Variants in ANKS1B observed in about 807,000 individuals in gnomAD.
ANKS1B encodes the protein ankyrin repeat and sterile alpha motif domain-containing protein 1B.
A neutral mutation model predicts 148.3 loss-of-function variants in ANKS1B; 36 were observed. That is an observed-to-expected ratio of 0.24 (90% confidence interval 0.19 to 0.32). The LOEUF is 0.32. Among genes scored for constraint, ANKS1B ranks in the 10% least tolerant of loss-of-function variants. The pLI, the probability that ANKS1B is intolerant of heterozygous loss-of-function variation, is 1.00. For missense variants in ANKS1B, 1,157 were observed against 1,542.6 expected (o/e 0.75, Z 4.19); for synonymous variants, 542 against 560.8 (o/e 0.97, Z 0.47).
chr12:98,873,473 TA>T (rs1433097097), intron 17 of ANKS1B, among the ~76,000 whole-genome samples: 1 of 152,202 alleles, frequency 6.6e-6, no homozygotes, highest in Non-Finnish European at 1.5e-5. Context: ...ATATAAGGTT[TA>T]AAAAAGCAAT....
intron 8 of ANKS1B, among the ~76,000 whole-genome samples, chr12:99,720,785 T>A (rs1229535908): frequency 6.6e-6 from 1 of 152,198 alleles, no homozygotes; most frequent in Non-Finnish European, 1.5e-5. Flanking sequence ...ATCTTCTGTC[T>A]AGTCATACTC....
chr12:99,430,213 C>T (rs972614617), intron 11 of ANKS1B, among the ~76,000 whole-genome samples: 4 of 152,064 alleles, frequency 2.6e-5, no homozygotes, highest in Non-Finnish European at 5.9e-5. Context: ...GAAGAGATGA[C>T]ATCAAGGAAG....
chr12:99,686,336 G>A (rs2098649085), intron 8 of ANKS1B, among the ~76,000 whole-genome samples: 2 of 152,012 alleles, frequency 1.3e-5, no homozygotes, highest in Non-Finnish European at 2.9e-5. Context: ...TTCACAACAT[G>A]CCCAAATAAG....
chr12:99,347,790 G>T (rs1210924072), intron 12 of ANKS1B, among the ~76,000 whole-genome samples: 3 of 144,438 alleles, frequency 2.1e-5, no homozygotes, highest in South Asian at 2.2e-4. Flanking sequence ...TAAACAAAAA[G>T]ATATTAGACT....
At chr12:98,893,828 A>G (rs556998631) in intron 17 of ANKS1B, 1 of 152,380 alleles carries the variant, frequency 6.6e-6, no homozygotes, top group East Asian at 1.9e-4. Flanking sequence ...TGAGCTGTCC[A>G]TTTGTTTTAG....
intron 10 of ANKS1B, among the ~76,000 whole-genome samples, chr12:99,470,018 C>G (rs12318396): frequency 0.038 from 5,719 of 151,908 alleles, 381 homozygotes; most frequent in African/African-American, 0.13. Flanking sequence ...TCTCAGGAGA[C>G]TGAGGCAGGA....
At chr12:99,709,858 C>A (rs2153534363) in intron 8 of ANKS1B, among the ~76,000 whole-genome samples, 1 of 152,172 alleles carries the variant, frequency 6.6e-6, no homozygotes, top group Middle Eastern at 3.4e-3. Flanking sequence ...AATAATGTTT[C>A]TACTTCTGAT....
chr12:99,576,595 C>T (rs1009821358), intron 9 of ANKS1B, among the ~76,000 whole-genome samples: 1 of 152,064 alleles, frequency 6.6e-6, no homozygotes, highest in Non-Finnish European at 1.5e-5. Context: ...CAAGACCACA[C>T]AATTACATGG....
chr12:99,299,410 T>A (rs997324724), intron 12 of ANKS1B, among the ~76,000 whole-genome samples: 6 of 152,174 alleles, frequency 3.9e-5, no homozygotes, highest in African/African-American at 1.4e-4. Flanking sequence ...ATATGAAACA[T>A]TAAGATGTCA....
At chr12:99,632,177 C>T (rs927867027) in intron 9 of ANKS1B, among the ~76,000 whole-genome samples, 2 of 152,158 alleles carry the variant, frequency 1.3e-5, no homozygotes, top group Non-Finnish European at 2.9e-5. Flanking sequence ...GCAGATCATG[C>T]CACAGTTCCT....
At chr12:99,695,233 G>A (rs1473233210) in intron 8 of ANKS1B, among the ~76,000 whole-genome samples, 2 of 152,152 alleles carry the variant, frequency 1.3e-5, no homozygotes, top group Non-Finnish European at 2.9e-5. Flanking sequence ...CTTTTGTTTT[G>A]TTATCTGATG....
chr12:99,583,179 T>A (rs1407171669), intron 9 of ANKS1B, among the ~76,000 whole-genome samples: 1 of 152,168 alleles, frequency 6.6e-6, no homozygotes, highest in Non-Finnish European at 1.5e-5. Flanking sequence ...TCTATTGCTT[T>A]GGGATCACCA....
intron 22 of ANKS1B, among the ~76,000 whole-genome samples, chr12:98,785,370 C>T (rs1023794428): frequency 2.0e-5 from 3 of 151,826 alleles, no homozygotes; most frequent in Non-Finnish European, 2.9e-5. Context: ...TTCAGGAGGC[C>T]GAGGCAGTAG....
rs374114620 is a variant in ANKS1B at position 99,150,649 on chromosome 12, TAGAGACAAATATAACA to T, written c.2526+3624_2526+3639del. On this transcript the variant is annotated intron_variant, in intron 15 of 26. Coordinates refer to ENST00000683438, the MANE Select transcript of ANKS1B (RefSeq NM_001352186.2). ...AGACTTTGAAAAATAAATATGATGG[TAGAGACAAATATAACA>T]AGGAAATAAATAAGCATGCACATTT... 5.9e-3 allele frequency among the ~76,000 whole-genome samples: 901 copies of T among 152,152 alleles called. 7 individuals are homozygous for T. The highest frequency in any genetic ancestry group is 0.02 in the African/African-American group (840 of 41,514).
At chr12:99,619,240 T>C (rs774278009) in intron 9 of ANKS1B, among the ~76,000 whole-genome samples, 5 of 151,808 alleles carry the variant, frequency 3.3e-5, no homozygotes, top group Non-Finnish European at 7.4e-5. Context: ...CTCCACACCA[T>C]GCCCAGGCAG....
At chr12:99,367,792 G>A (rs1030412588) in intron 12 of ANKS1B, among the ~76,000 whole-genome samples, 1 of 147,858 alleles carries the variant, frequency 6.8e-6, no homozygotes, top group African/African-American at 2.6e-5. Flanking sequence ...GTGCTTGTGT[G>A]TGTGTGTGTG....
chr12:99,157,402 C>A (rs2076182059), intron 14 of ANKS1B, among the ~76,000 whole-genome samples: 1 of 152,192 alleles, frequency 6.6e-6, no homozygotes, highest in Admixed American at 6.6e-5. Flanking sequence ...GATTGGCCAG[C>A]TCTTCAAACC....
intron 12 of ANKS1B, among the ~76,000 whole-genome samples, chr12:99,361,985 A>G (rs1407546155): frequency 7.7e-6 from 1 of 130,442 alleles, no homozygotes; most frequent in Non-Finnish European, 1.6e-5. Context: ...AGCAAAACAT[A>G]TATGCCATGT....
chr12:98,784,284 A>G (rs1012795217), intron 22 of ANKS1B, among the ~76,000 whole-genome samples: 1 of 152,128 alleles, frequency 6.6e-6, no homozygotes, highest in Admixed American at 6.5e-5. Context: ...AGAGGGAAGG[A>G]CACACTTCAG....
Sources: gnomAD v4.1 joint callset for allele counts (sites outside exome capture counted in the v4.1 genomes callset) on GRCh38, gnomAD v4.1.1 for gene constraint, MANE v1.5 for transcripts, NCBI Gene and HGNC (gene_info 2026-07-23, HGNC 2026-07-21) for gene names.